Variants in SLC38A6 observed in about 807,000 individuals in gnomAD.
The protein encoded by SLC38A6 is N system amino acid transporter NAT-1.
A neutral mutation model predicts 65.0 loss-of-function variants in SLC38A6; 73 were observed. The observed-to-expected ratio is 1.12, with a 90% CI of 0.93 to 1.37. The LOEUF is 1.37. Among genes scored for constraint, SLC38A6 ranks in the 40% most tolerant of loss-of-function variants. The probability of loss-of-function intolerance (pLI) is 0.00; values close to 1 mark genes in which losing one functional copy is unlikely to be tolerated. For synonymous variants in SLC38A6, 183 were observed against 178.8 expected (o/e 1.02, Z -0.19); for missense variants, 561 against 531.1 (o/e 1.06, Z -0.55).
At chr14:61,009,540 C>G (rs1440408541) in intron 3 of SLC38A6, among the ~76,000 whole-genome samples, 1 of 151,930 alleles carries the variant, frequency 6.6e-6, no homozygotes, top group Non-Finnish European at 1.5e-5. Context: ...CTCCCCCTCC[C>G]CCACCCCACA....
intron 15 of SLC38A6, among the ~76,000 whole-genome samples, chr14:61,066,942 A>G (rs1323202369): frequency 1.3e-5 from 2 of 152,160 alleles, no homozygotes; most frequent in Non-Finnish European, 2.9e-5. Flanking sequence ...TATGTCCTAG[A>G]AGTTGAGCTA....
intron 5 of SLC38A6, among the ~76,000 whole-genome samples, chr14:61,029,001 C>G (rs183339970): frequency 2.6e-5 from 4 of 152,016 alleles, no homozygotes; most frequent in African/African-American, 9.7e-5. Context: ...ACTATTTGAG[C>G]CTTTTAATCA....
intron 3 of SLC38A6, among the ~76,000 whole-genome samples, chr14:60,990,971 T>C (rs528871210): frequency 2.6e-5 from 4 of 152,308 alleles, no homozygotes; most frequent in African/African-American, 9.6e-5. Flanking sequence ...GCATGAGCCA[T>C]CGTGCCTGGC....
chr14:61,046,190 G>A lies in SLC38A6; in HGVS notation c.925+23G>A, dbSNP rs766690092. 1.6e-5 allele frequency: 23 copies of A among 1,456,418 alleles called. No individual in the cohort carries two copies. In the East Asian group the frequency reaches 5.0e-4, roughly 32 times the overall value. The allele number at this position is 1,456,418 out of a possible 1,614,324, so 90.2% of individuals were successfully genotyped here. ...ATGGTAAGTACATTTTAAAATTATA[G>A]ATGACAAAATAATAGTTACATAGAT... On this transcript the variant is annotated intron_variant, in intron 12 of 15. Transcript: ENST00000267488.
chr14:60,985,617 G>A (rs1397277163), intron 3 of SLC38A6, among the ~76,000 whole-genome samples: 1 of 152,084 alleles, frequency 6.6e-6, no homozygotes, highest in African/African-American at 2.4e-5. Context: ...GCCTTGTGAT[G>A]TTCAGATTTT....
rs1237371294 is a variant in SLC38A6, at chr14:61,051,943, G to C, written c.1195+12G>C. 5 of 1,604,282 alleles carry C rather than the reference G, an allele frequency of 3.1e-6. No individual in the cohort carries two copies. The highest frequency in any genetic ancestry group is 1.7e-4 in the Middle Eastern group (1 of 6,014). On this transcript the variant is annotated intron_variant, in intron 14 of 15. Transcript: ENST00000267488. ...ATTTGGTGTAGTTGGTAAGTTTTCT[G>C]TTTCAAAAAGTTCACATAATAAAAT...
intron 6 of SLC38A6, among the ~76,000 whole-genome samples, chr14:61,035,570 A>G (rs1032299687): frequency 6.6e-6 from 1 of 152,090 alleles, no homozygotes; most frequent in African/African-American, 2.4e-5. Context: ...CTCTTGCTAC[A>G]TATAATCATT....
rs1051785993 is a variant in SLC38A6, at chr14:61,047,994, C to G, written c.925+1827C>G. On this transcript the variant is annotated intron_variant, in intron 12 of 15. Transcript: ENST00000267488. ...AGATAGATACATACATACATACATA[C>G]ATACATACATACATACATACATACA... Among the ~76,000 whole-genome samples the G allele has an allele frequency of 3.2e-3, 465 of 146,564 alleles. 4 individuals are homozygous for G. Among genetic ancestry groups the G allele is most frequent in the Middle Eastern group, 0.022 (6 of 274 alleles).
chr14:61,009,683 C>T (rs972542826), intron 3 of SLC38A6, among the ~76,000 whole-genome samples: 13 of 152,148 alleles, frequency 8.5e-5, no homozygotes, highest in African/African-American at 2.7e-4. Flanking sequence ...TTTCCAATTT[C>T]ATCCATGTCC....
At position 61,051,638 on chromosome 14, in the gene SLC38A6, ATACTT is replaced by A. The variant is rs1326614630; in HGVS notation, c.1051-146_1051-142del. 5 of 774,074 alleles carry A rather than the reference ATACTT, an allele frequency of 6.5e-6. No individual in the cohort carries two copies. The South Asian group carries it at 7.3e-5, about 11-fold the overall frequency. 48.0% of individuals were successfully genotyped at this position (774,074 alleles called of 1,614,324 possible). On this transcript the variant is annotated intron_variant, in intron 13 of 15. Coordinates refer to ENST00000267488, the MANE Select transcript of SLC38A6 (RefSeq NM_153811.3). ...GTATATAAACAGTTTATGTGTATAA[ATACTT>A]TATAATAATAGTTTATGCTGTATTT...
At chr14:61,071,143 A>G (rs2139962173) in intron 15 of SLC38A6, among the ~76,000 whole-genome samples, 1 of 152,322 alleles carries the variant, frequency 6.6e-6, no homozygotes, top group East Asian at 1.9e-4. Context: ...GCTGCATAGT[A>G]TTCTGTTAAT....
intron 6 of SLC38A6, among the ~76,000 whole-genome samples, chr14:61,034,954 A>G (rs1447810121): frequency 6.6e-6 from 1 of 152,172 alleles, no homozygotes; most frequent in Non-Finnish European, 1.5e-5. Context: ...AACAGTAACA[A>G]TTAAGTTCAT....
chr14:61,064,806 A>G (rs1464429811), intron 15 of SLC38A6, among the ~76,000 whole-genome samples: 1 of 152,062 alleles, frequency 6.6e-6, no homozygotes, highest in Non-Finnish European at 1.5e-5. Context: ...ATACTTTTCT[A>G]ACATTTGGAG....
At chr14:60,997,492 A>G (rs945720557) in intron 3 of SLC38A6, among the ~76,000 whole-genome samples, 3 of 152,144 alleles carry the variant, frequency 2.0e-5, no homozygotes, top group Admixed American at 2.0e-4. Flanking sequence ...GCTCCAGGTC[A>G]TGCCTGCCCT....
chr14:61,018,283 T>C (rs921931559), intron 4 of SLC38A6, among the ~76,000 whole-genome samples: 1 of 152,214 alleles, frequency 6.6e-6, no homozygotes, highest in African/African-American at 2.4e-5. Flanking sequence ...AAGTTCAAAA[T>C]AGTCTTTTCA....
chr14:61,016,430 G>A (rs1478725658), intron 4 of SLC38A6, among the ~76,000 whole-genome samples: 4 of 152,070 alleles, frequency 2.6e-5, no homozygotes, highest in African/African-American at 9.7e-5. Context: ...TTATAGGTGA[G>A]GAAATTAAGG....
intron 15 of SLC38A6, among the ~76,000 whole-genome samples, chr14:61,066,970 C>T (rs910545031): frequency 6.6e-6 from 1 of 151,964 alleles, no homozygotes; most frequent in African/African-American, 2.4e-5. Flanking sequence ...GGTCATGAAA[C>T]TATGTAAGAC....
chr14:60,993,029 G>A (rs1199387202), intron 3 of SLC38A6, among the ~76,000 whole-genome samples: 2 of 152,036 alleles, frequency 1.3e-5, no homozygotes, highest in East Asian at 3.9e-4. Context: ...GTATTTTTTA[G>A]TAGAGACGGG....
At chr14:60,985,757 G>A (rs1249857697) in intron 3 of SLC38A6, among the ~76,000 whole-genome samples, 1 of 152,088 alleles carries the variant, frequency 6.6e-6, no homozygotes, top group Non-Finnish European at 1.5e-5. Flanking sequence ...AGTTCTACAG[G>A]CTCTGCAAGA....
Sources: allele counts gnomAD v4.1 joint callset (sites outside exome capture counted in the v4.1 genomes callset), GRCh38; gene constraint gnomAD v4.1.1; transcripts MANE v1.5; gene names NCBI Gene and HGNC (gene_info 2026-07-23, HGNC 2026-07-21).